The following CEMIP variants were observed in gnomAD, a reference collection of about 807,000 sequenced individuals.
CEMIP encodes cell migration-inducing and hyaluronan-binding protein.
A neutral mutation model predicts 156.9 loss-of-function variants in CEMIP; 105 were observed. That is an observed-to-expected ratio of 0.67 (90% CI 0.57 to 0.79). The LOEUF (loss-of-function observed/expected upper bound fraction) is 0.79. CEMIP is among the 30% of genes least tolerant of loss of function. The probability of loss-of-function intolerance (pLI) is 0.00; values close to 1 mark genes in which losing one functional copy is unlikely to be tolerated. For synonymous variants in CEMIP, 676 were observed against 668.4 expected, an observed-to-expected ratio of 1.01 and a Z score of -0.17; for missense variants, 1,457 against 1,769.4, an observed-to-expected ratio of 0.82 and a Z score of 3.17.
At position 80,943,078 on chromosome 15, in the gene CEMIP, A is replaced by G. The variant is rs751253852; in HGVS notation, c.3833A>G (p.Asn1278Ser). 3.7e-6 allele frequency: 6 copies of G among 1,614,200 alleles called. No homozygotes were observed. In the South Asian group the frequency reaches 6.6e-5, roughly 18 times the overall value. ...ILQGIPWQLF[N>S]YVATIPDNSI... ...CAAGGCATACCATGGCAGCTTTTCA[A>G]CTATGTGGCGACCATCCCTGACAAG... The change falls in exon 28 of 30, where the codon AAC (asparagine) becomes AGC (serine). Residue 1278 changes from asparagine to serine, a missense_variant. Transcript: ENST00000394685.
intron 1 of CEMIP, among the ~76,000 whole-genome samples, chr15:80,829,725 A>G (rs922089946): frequency 2.6e-5 from 4 of 152,214 alleles, no homozygotes; most frequent in Non-Finnish European, 5.9e-5. Flanking sequence ...GGCCTAATGT[A>G]GATGCACCTA....
In CEMIP at chr15:80,872,775, A is replaced by G. The variant is rs200521347; in HGVS notation, c.-175-763A>G. Among the ~76,000 whole-genome samples the G allele has an allele frequency of 9.2e-5, 14 of 152,332 alleles. No homozygotes were observed. The East Asian group carries it at 2.7e-3, about 29-fold the overall frequency. ...GGTTGCAGTGAGCCGAGCTCCCGCC[A>G]CTACACTCTAGCCTGGTGACAGAGC... On this transcript the variant is annotated intron_variant, in intron 1 of 29. Coordinates refer to ENST00000394685, the MANE Select transcript of CEMIP (RefSeq NM_001293298.2).
intron 1 of CEMIP, among the ~76,000 whole-genome samples, chr15:80,869,289 G>A (rs547484902): frequency 2.0e-5 from 3 of 152,290 alleles, no homozygotes; most frequent in Admixed American, 2.0e-4. Context: ...TGGGGGATAG[G>A]ATTTCCACAT....
At chr15:80,792,024 A>T (rs989419297) in intron 1 of CEMIP, among the ~76,000 whole-genome samples, 4 of 152,222 alleles carry the variant, frequency 2.6e-5, no homozygotes, top group Non-Finnish European at 5.9e-5. Context: ...TGTAGTTGTC[A>T]TCAGACATTT....
chr15:80,889,344 C>A, intron 9 of CEMIP, 127 bp from the exon 10 acceptor site: 2 of 1,322,872 alleles, frequency 1.5e-6, no homozygotes, highest in Non-Finnish European at 2.2e-6. Flanking sequence ...CATGCCCCAG[C>A]CTGGTGCAAC....
At chr15:80,805,826 T>G (rs1896500654) in intron 1 of CEMIP, among the ~76,000 whole-genome samples, 1 of 152,250 alleles carries the variant, frequency 6.6e-6, no homozygotes, top group South Asian at 2.1e-4. Flanking sequence ...CCATTTTGCA[T>G]TTCACTTGTT....
rs1291054104 is a variant in CEMIP at position 80,928,849 on chromosome 15, A to G, written c.2421-53A>G. ...GAAGTGTCCTTCTCTCCACGACTCCACTGAATGTGAAGCCAGGGCATGCTC... is the reference window on the plus strand; with the variant it reads ...GAAGTGTCCTTCTCTCCACGACTCCGCTGAATGTGAAGCCAGGGCATGCTC... On this transcript the variant is annotated intron_variant, in intron 19 of 29. Transcript: ENST00000394685. 3 of 1,610,894 alleles carry G rather than the reference A, an allele frequency of 1.9e-6. No individual in the cohort carries two copies. The African/African-American group carries it at 4.0e-5, about 22-fold the overall frequency.
chr15:80,848,050 G>A (rs538826782), intron 1 of CEMIP, among the ~76,000 whole-genome samples: 5 of 152,348 alleles, frequency 3.3e-5, no homozygotes, highest in African/African-American at 1.2e-4. Flanking sequence ...GTAGCAAAAT[G>A]TGGCAGGTTG....
In CEMIP at chr15:80,926,224, T is replaced by C. The variant is rs369312548; in HGVS notation, c.2420+469T>C. Among the ~76,000 whole-genome samples, 3 of 152,296 alleles carry C rather than the reference T, an allele frequency of 2.0e-5. No homozygotes were observed. In the South Asian group the frequency reaches 6.2e-4, roughly 32 times the overall value. ...CCAAGGTCACGCAGTTAGCTAGAGTTTGAACTGGAACTTGGAGCCACAGTT... is the reference window on the plus strand; with the variant it reads ...CCAAGGTCACGCAGTTAGCTAGAGTCTGAACTGGAACTTGGAGCCACAGTT... On this transcript the variant is annotated intron_variant, in intron 19 of 29. Transcript: ENST00000394685.
intron 1 of CEMIP, among the ~76,000 whole-genome samples, chr15:80,847,528 G>A (rs1897592803): frequency 6.6e-6 from 1 of 152,206 alleles, no homozygotes; most frequent in South Asian, 2.1e-4. Flanking sequence ...TAAAGATCCA[G>A]TCCCTTCACT....
chr15:80,916,445 G>T (rs1364764171), intron 14 of CEMIP, among the ~76,000 whole-genome samples: 2 of 152,212 alleles, frequency 1.3e-5, no homozygotes, highest in East Asian at 3.9e-4. Context: ...GAAGGACAAA[G>T]AGAAAAATAC....
At chr15:80,948,143 G>A (rs1438444697) in intron 29 of CEMIP, 2 of 157,998 alleles carry the variant, frequency 1.3e-5, no homozygotes, top group African/African-American at 4.8e-5. Context: ...GGTGACCTAA[G>A]TTGAATGGCA....
At chr15:80,812,194 C>A (rs1159179507) in intron 1 of CEMIP, among the ~76,000 whole-genome samples, 1 of 152,184 alleles carries the variant, frequency 6.6e-6, no homozygotes, top group Non-Finnish European at 1.5e-5. Context: ...CCTGTTTTAA[C>A]CCGAGTTGTT....
intron 6 of CEMIP, 37 bp from the exon 7 acceptor site, chr15:80,884,138 C>A: frequency 6.2e-7 from 1 of 1,610,070 alleles, no homozygotes; most frequent in South Asian, 1.1e-5. Context: ...TGGCTGCGGT[C>A]AAGACTATTC....
chr15:80,936,246 T>A (rs1236255123), intron 23 of CEMIP, among the ~76,000 whole-genome samples: 1 of 152,172 alleles, frequency 6.6e-6, no homozygotes, highest in African/African-American at 2.4e-5. Context: ...ACCCAGGCAC[T>A]CTCTAAAATC....
intron 1 of CEMIP, among the ~76,000 whole-genome samples, chr15:80,799,116 CA>C (rs1896307295): frequency 6.6e-6 from 1 of 152,226 alleles, no homozygotes; most frequent in South Asian, 2.1e-4. Flanking sequence ...TTCAGCCAGA[CA>C]TTTGATCTGA....
intron 1 of CEMIP, among the ~76,000 whole-genome samples, chr15:80,836,784 C>G (rs1217989708): frequency 1.3e-5 from 2 of 151,986 alleles, no homozygotes; most frequent in Non-Finnish European, 2.9e-5. Context: ...TTTTTTTATC[C>G]AACAGGGCAT....
chr15:80,892,696 C>T (rs968312006), intron 10 of CEMIP, among the ~76,000 whole-genome samples: 1 of 152,218 alleles, frequency 6.6e-6, no homozygotes, highest in African/African-American at 2.4e-5. Flanking sequence ...GCCAACTCTG[C>T]ACTTGCATGA....
intron 14 of CEMIP, among the ~76,000 whole-genome samples, chr15:80,915,617 A>G (rs1337380321): frequency 2.0e-5 from 3 of 152,128 alleles, no homozygotes; most frequent in African/African-American, 7.2e-5. Flanking sequence ...CAACACTAAG[A>G]GATGGAGTAA....
Sources: allele counts gnomAD v4.1 joint callset (sites outside exome capture counted in the v4.1 genomes callset), GRCh38; gene constraint gnomAD v4.1.1; transcripts MANE v1.5; gene names NCBI Gene and HGNC (gene_info 2026-07-23, HGNC 2026-07-21).